Variants in RAD52 observed in about 807,000 individuals in gnomAD.
RAD52 encodes the protein RAD52 DNA repair protein, also known as DNA repair protein RAD52 homolog.
RAD52 carries 47 observed loss-of-function variants against 55.5 expected under a neutral mutation model. That is an observed-to-expected ratio of 0.85 (90% CI 0.67 to 1.08). The LOEUF is 1.08. Among genes scored for constraint, RAD52 ranks in the 50% least tolerant of loss-of-function variants. The probability of loss-of-function intolerance (pLI) is 0.00; values close to 1 mark genes in which losing one functional copy is unlikely to be tolerated. For missense variants in RAD52, 468 were observed against 522.8 expected (o/e 0.90, Z 1.02); for synonymous variants, 184 against 198.9 (o/e 0.92, Z 0.63).
intron 1 of RAD52, chr12:977,138 C>G (rs1203210666): frequency 1.3e-5 from 2 of 152,204 alleles, no homozygotes; most frequent in African/African-American, 4.8e-5. Context: ...ATGTAAGGAA[C>G]CAAGCAGGCA....
At chr12:915,706 CTTGTTTTTTTT>C (rs997075604) in intron 9 of RAD52, among the ~76,000 whole-genome samples, 6 of 131,204 alleles carry the variant, frequency 4.6e-5, no homozygotes, top group African/African-American at 1.4e-4. Flanking sequence ...AAACACAAGG[CTTGTTTTTTTT>C]TTGTTTTGTT....
intron 1 of RAD52, among the ~76,000 whole-genome samples, chr12:943,032 C>G (rs1958001221): frequency 6.6e-6 from 1 of 152,124 alleles, no homozygotes; most frequent in African/African-American, 2.4e-5. Context: ...AAGATTTGAG[C>G]AGGCACTTCA....
intron 1 of RAD52, among the ~76,000 whole-genome samples, chr12:966,846 G>A (rs572673917): frequency 6.6e-5 from 10 of 151,826 alleles, no homozygotes; most frequent in South Asian, 4.1e-4. Flanking sequence ...AAATAAGGCC[G>A]GCGAGGCTCT....
chr12:986,434 G>A (rs952016745), intron 1 of RAD52, among the ~76,000 whole-genome samples: 2 of 151,830 alleles, frequency 1.3e-5, no homozygotes, highest in Admixed American at 6.6e-5. Context: ...CCATTATAGT[G>A]CACTGCAGCC....
chr12:986,879 C>T (rs1959093086), intron 1 of RAD52, among the ~76,000 whole-genome samples: 1 of 151,726 alleles, frequency 6.6e-6, no homozygotes, highest in Non-Finnish European at 1.5e-5. Flanking sequence ...TTACTGTTTT[C>T]CTGAATTGGA....
At chr12:954,683 T>G (rs533878648), upstream of RAD52, among the ~76,000 whole-genome samples, 1 of 152,206 alleles carries the variant, frequency 6.6e-6, no homozygotes, top group Admixed American at 6.5e-5. Flanking sequence ...TCCTTATTGA[T>G]TAATCCTTTT....
chr12:935,368 T>A (rs912353410), intron 1 of RAD52, among the ~76,000 whole-genome samples: 1 of 145,972 alleles, frequency 6.9e-6, no homozygotes, highest in Non-Finnish European at 1.5e-5. Flanking sequence ...AGCATCACCA[T>A]CACCTGTGAA....
intron 1 of RAD52, among the ~76,000 whole-genome samples, chr12:983,716 G>A (rs528888632): frequency 4.6e-5 from 7 of 152,240 alleles, no homozygotes; most frequent in East Asian, 1.9e-4. Flanking sequence ...CACCGCACGC[G>A]GCCGGCTGCA....
At position 989,215 on chromosome 12, in the gene RAD52, T is replaced by C. The variant is rs147876752; in HGVS notation, c.-19+594A>G. Among the ~76,000 whole-genome samples the C allele has an allele frequency of 5.9e-5, 9 of 152,322 alleles. No homozygotes were observed. The East Asian group carries it at 1.7e-3, about 29-fold the overall frequency. On this transcript the variant is annotated intron_variant, in intron 1 of 11. Transcript: ENST00000430095. The stretch of plus-strand genomic sequence containing the variant: ...TCTCACTCTTGCTCTGTCTGGTAGT[T>C]ATCTCCAAATCTCCGTCTCCCTAAA...
chr12:919,379 G>A (rs575349582), intron 7 of RAD52, among the ~76,000 whole-genome samples: 1 of 152,192 alleles, frequency 6.6e-6, no homozygotes, highest in South Asian at 2.1e-4. Flanking sequence ...CCACGAGGCA[G>A]AGGTTGCAGT....
chr12:927,895 CAA>C (rs1218444224), intron 5 of RAD52, among the ~76,000 whole-genome samples: 1 of 151,742 alleles, frequency 6.6e-6, no homozygotes, highest in African/African-American at 2.4e-5. Context: ...GGATATGAAA[CAA>C]AGGGATGATT....
upstream of RAD52, among the ~76,000 whole-genome samples, chr12:953,803 C>T (rs1259044544): frequency 1.3e-5 from 2 of 152,206 alleles, no homozygotes; most frequent in African/African-American, 4.8e-5. Flanking sequence ...GCCCATCTAC[C>T]TTCCCCACTG....
In RAD52 at chr12:913,432, T is replaced by C; in HGVS notation, c.1216A>G (p.Lys406Glu). 6.2e-7 allele frequency: 1 copy of C among 1,607,318 alleles called. No individual in the cohort carries two copies. Among genetic ancestry groups the C allele is most frequent in the Non-Finnish European group, 8.5e-7 (1 of 1,173,964 alleles). The change falls in exon 12 of 12, where the codon AAG becomes GAG. Residue 406 changes from lysine (K) to glutamate (E), a missense_variant. Coordinates refer to ENST00000358495, the MANE Select transcript of RAD52 (RefSeq NM_134424.4). Reference protein sequence around the residue: ...RTTGNWESHRKSQDMKKRKYD... With the variant: ...RTTGNWESHRESQDMKKRKYD... ...TTCCTTTTCTTCATGTCCTGGCTCT[T>C]CCTATGAGATTCCCAGTTTCCTATG...
At chr12:942,015 G>T (rs960368950) in intron 1 of RAD52, among the ~76,000 whole-genome samples, 12 of 152,130 alleles carry the variant, frequency 7.9e-5, no homozygotes, top group African/African-American at 2.9e-4. Flanking sequence ...TACTGTTTAG[G>T]TGTCATTTCT....
intron 1 of RAD52, among the ~76,000 whole-genome samples, chr12:936,014 C>A (rs1473737782): frequency 6.6e-6 from 1 of 150,514 alleles, no homozygotes; most frequent in Non-Finnish European, 1.5e-5. Context: ...ATTTAAAGAG[C>A]AACTTGTGGC....
chr12:958,202 C>T (rs1958635850), intron 1 of RAD52, among the ~76,000 whole-genome samples: 3 of 151,818 alleles, frequency 2.0e-5, no homozygotes, highest in African/African-American at 7.3e-5. Flanking sequence ...TGTCAGAAAG[C>T]TGTATTGCCT....
chr12:920,691 A>G (rs1311152283), intron 7 of RAD52, among the ~76,000 whole-genome samples: 1 of 152,218 alleles, frequency 6.6e-6, no homozygotes, highest in Non-Finnish European at 1.5e-5. Flanking sequence ...AAAGCAACAC[A>G]ATAATAGTAG....
chr12:918,561 AATTTTT>A lies in RAD52; in HGVS notation c.544-1747_544-1742del, dbSNP rs573740050. ...ACAGGCGCCACCACCAGGCCCAGCT[AATTTTT>A]ATTTTTATTTTTATTTTTATTTCGT... On this transcript the variant is annotated intron_variant, in intron 7 of 11. Transcript: ENST00000358495. 7.3e-3 allele frequency among the ~76,000 whole-genome samples: 1,110 copies of A among 151,946 alleles called. 10 individuals are homozygous for A. Among genetic ancestry groups the A allele is most frequent in the African/African-American group, 0.025 (1,047 of 41,444 alleles).
At chr12:941,864 T>C (rs1957939412) in intron 1 of RAD52, among the ~76,000 whole-genome samples, 1 of 152,174 alleles carries the variant, frequency 6.6e-6, no homozygotes, top group Non-Finnish European at 1.5e-5. Flanking sequence ...CTCGAACTCC[T>C]GACCTCAGCT....
Sources: gnomAD v4.1 joint callset for allele counts (sites outside exome capture counted in the v4.1 genomes callset) on GRCh38, gnomAD v4.1.1 for gene constraint, MANE v1.5 for transcripts, NCBI Gene and HGNC (gene_info 2026-07-23, HGNC 2026-07-21) for gene names.